ADAT3: variants seen among roughly 807,000 people sequenced by gnomAD.
ADAT3 encodes the protein tRNA-specific adenosine-34 deaminase regulatory subunit ADAT3.
In ADAT3, 2 loss-of-function variants were observed where a neutral mutation model predicts 3.5. That is an observed-to-expected ratio of 0.57 (90% confidence interval 0.23 to 1.79). The LOEUF (loss-of-function observed/expected upper bound fraction) is 1.79, where lower values mean the gene tolerates loss of function less well. Among genes scored for constraint, ADAT3 ranks in the 40% most tolerant of loss-of-function variants. The pLI is 0.18. For synonymous variants in ADAT3, 358 were observed against 270.3 expected, an observed-to-expected ratio of 1.32 and a Z score of -3.18; for missense variants, 735 against 571.4, an observed-to-expected ratio of 1.29 and a Z score of -2.92.
chr19:1,905,653 T>C (rs1381940891), intron 1 of ADAT3: 1 of 157,930 alleles, frequency 6.3e-6, no homozygotes, highest in African/African-American at 2.4e-5. Flanking sequence ...CGCGCGGCGC[T>C]GGCCTGGGGG....
Position 1,913,390 on chromosome 19 carries a change from C to A in ADAT3, c.*239C>A. On this transcript the variant is annotated 3_prime_UTR_variant, in exon 2 of 2. Transcript: ENST00000329478. ...GGCCGCCCTTGCTGCGTTTGTGTCCCCTCTGTCTCGCGGGCCGGGAAACTG... is the reference window on the plus strand; with the variant it reads ...GGCCGCCCTTGCTGCGTTTGTGTCCACTCTGTCTCGCGGGCCGGGAAACTG... 1.6e-6 allele frequency: 1 copy of A among 622,936 alleles called. No individual in the cohort carries two copies. Among genetic ancestry groups the A allele is most frequent in the Non-Finnish European group, 2.8e-6 (1 of 357,022 alleles). The allele number at this position is 622,936 out of a possible 1,614,324, so 38.6% of individuals were successfully genotyped here. A position where few individuals can be genotyped will look rare whatever the true frequency, so the allele number is the denominator to read the frequency against.
intron 1 of ADAT3, chr19:1,907,891 G>A (rs2013220153): frequency 6.6e-6 from 1 of 152,448 alleles, no homozygotes; most frequent in Non-Finnish European, 1.5e-5. Context: ...TCTGGCAGTT[G>A]AGGCCGCCCT....
rs754201602 is a variant in ADAT3 at position 1,912,938 on chromosome 19, C to T, written c.891C>T (p.Gly297=). The change falls in exon 2 of 2, where the codon GGC becomes GGT. Residue 297 remains glycine (G), a synonymous_variant. Coordinates refer to ENST00000329478, the MANE Select transcript of ADAT3 (RefSeq NM_138422.4). The part of the protein sequence containing the change: ...DEDGLPYLCT[G]YDLYVTREPC... Reference sequence around the variant, plus strand: ...ACGGCCTCCCCTACCTGTGCACTGGCTACGACCTGTACGTGACCCGCGAGC... The same window carrying T: ...ACGGCCTCCCCTACCTGTGCACTGGTTACGACCTGTACGTGACCCGCGAGC... 1 of 1,610,404 alleles carries T rather than the reference C, an allele frequency of 6.2e-7. No homozygotes were observed. Among genetic ancestry groups the T allele is most frequent in the East Asian group, 2.2e-5 (1 of 44,842 alleles).
At chr19:1,905,515 G>C in intron 1 of ADAT3, 76 bp downstream of exon 1, 1 of 380,110 alleles carries the variant, frequency 2.6e-6, no homozygotes, top group Admixed American at 3.2e-5. Context: ...CTGACATGGG[G>C]GGTCTCGGCG....
At chr19:1,910,822 G>T (rs148952582) in intron 1 of ADAT3, among the ~76,000 whole-genome samples, 2 of 151,502 alleles carry the variant, frequency 1.3e-5, no homozygotes, top group African/African-American at 4.9e-5. Context: ...TGATCTGCCC[G>T]CCTCAGCCTC....
Position 1,913,130 on chromosome 19 carries a change from C to G in ADAT3, c.1083C>G (p.Arg361=), listed in dbSNP as rs1343038286. The G allele has an allele frequency of 1.3e-6, 2 of 1,571,764 alleles. No homozygotes were observed. The highest frequency in any genetic ancestry group is 2.3e-5 in the South Asian group (2 of 87,866). Residue 361 remains arginine (R), a synonymous_variant, in exon 2 of 2, where the codon CGC becomes CGG. Coordinates refer to ENST00000329478, the MANE Select transcript of ADAT3 (RefSeq NM_138422.4). The stretch of plus-strand genomic sequence containing the variant: ...GCGGGGTGCTGGAGGAGCAGTGCCG[C>G]TGGCTGGACCCCGACACGTAGGCGC... The part of the protein sequence containing the change: ...VFRGVLEEQC[R]WLDPDT
rs1335292247 is a variant in ADAT3 at position 1,912,964 on chromosome 19, CCTGCGCCAT to C, written c.918_926del (p.Cys310_Met312del). ...TACGACCTGTACGTGACCCGCGAGC[CCTGCGCCAT>C]GTGCGCCATGGCCCTGGTGCACGCA... On this transcript the variant is annotated inframe_deletion, in exon 2 of 2. Transcript: ENST00000329478. 4 of 1,610,222 alleles carry C rather than the reference CCTGCGCCAT, an allele frequency of 2.5e-6. No individual in the cohort carries two copies. Among genetic ancestry groups the C allele is most frequent in the East Asian group, 2.2e-5 (1 of 44,846 alleles).
At position 1,908,219 on chromosome 19, in the gene ADAT3, C is replaced by T. The variant is rs773085442; in HGVS notation, c.-159+2780C>T. ...CCACCTGGCACGGGGCCTCGGGCAG[C>T]GGCAGCACCTGGCGCTGCCTCCGCG... On this transcript the variant is annotated intron_variant, in intron 1 of 1. Coordinates refer to ENST00000329478, the MANE Select transcript of ADAT3 (RefSeq NM_138422.4). This position sits in a 1 kb window ranked among gnomAD's most constrained non-coding sequence, Gnocchi z 4.2. The T allele has an allele frequency of 7.2e-6, 2 of 278,762 alleles. No individual in the cohort carries two copies. The highest frequency in any genetic ancestry group is 3.0e-5 in the South Asian group (1 of 33,154). The allele number at this position is 278,762 out of a possible 1,614,324, so 17.3% of individuals were successfully genotyped here. A position where few individuals can be genotyped will look rare whatever the true frequency, so the allele number is the denominator to read the frequency against.
At chr19:1,907,711 C>G (rs960208959) in intron 1 of ADAT3, among the ~76,000 whole-genome samples, 1 of 152,136 alleles carries the variant, frequency 6.6e-6, no homozygotes, top group African/African-American at 2.4e-5. Context: ...CCGTGTTCTG[C>G]TGGGACCTGG....
chr19:1,910,053 T>C (rs960052054), intron 1 of ADAT3, among the ~76,000 whole-genome samples: 1 of 152,238 alleles, frequency 6.6e-6, no homozygotes, highest in Admixed American at 6.5e-5. Flanking sequence ...ACACTTGGCA[T>C]GCTTGCTTTC....
At position 1,908,232 on chromosome 19, in the gene ADAT3, C is replaced by T. The variant is rs1179975606; in HGVS notation, c.-159+2793C>T. The T allele has an allele frequency of 3.5e-5, 10 of 282,008 alleles. No homozygotes were observed. In the East Asian group the frequency reaches 1.1e-3, roughly 31 times the overall value. 17.5% of individuals were successfully genotyped at this position (282,008 alleles called of 1,614,324 possible). A position where few individuals can be genotyped will look rare whatever the true frequency, so the allele number is the denominator to read the frequency against. On this transcript the variant is annotated intron_variant, in intron 1 of 1. Coordinates refer to ENST00000329478, the MANE Select transcript of ADAT3 (RefSeq NM_138422.4). The surrounding 1 kb of genome is among the most constrained non-coding windows in gnomAD (Gnocchi z 4.2). ...GGCCTCGGGCAGCGGCAGCACCTGG[C>T]GCTGCCTCCGCGCTTCCTGCTCCCG...
rs1404430434 is a variant in ADAT3, at chr19:1,908,523, C to T, written c.-159+3084C>T. On this transcript the variant is annotated intron_variant, in intron 1 of 1. Transcript: ENST00000329478. The surrounding 1 kb of genome is among the most constrained non-coding windows in gnomAD (Gnocchi z 4.2). ...GTCCATACCAGCGGGGATGTGTAGT[C>T]CAGGCTGGCAGTTCAGGATCACCCG... 1 of 471,124 alleles carries T rather than the reference C, an allele frequency of 2.1e-6. No homozygotes were observed. Among genetic ancestry groups the T allele is most frequent in the Non-Finnish European group, 4.4e-6 (1 of 227,046 alleles). 29.2% of individuals were successfully genotyped at this position (471,124 alleles called of 1,614,324 possible). A position where few individuals can be genotyped will look rare whatever the true frequency, so the allele number is the denominator to read the frequency against.
intron 1 of ADAT3, among the ~76,000 whole-genome samples, chr19:1,910,476 G>T (rs1359089586): frequency 6.6e-6 from 1 of 152,038 alleles, no homozygotes; most frequent in African/African-American, 2.4e-5. Context: ...TAGGGGTGAT[G>T]GAATGTTCTG....
In ADAT3 at chr19:1,912,314, T is replaced by C; in HGVS notation, c.267T>C (p.Pro89=). The C allele has an allele frequency of 1.3e-6, 2 of 1,555,598 alleles. No homozygotes were observed. ...CCCTGCACCCGCTCCCCGCCCAGCC[T>C]CACCTCAAGCGGGTGCGGCCCAGCC... ...VSALHPLPAQ[P]HLKRVRPSRD... is the part of the protein sequence containing the mutation. Residue 89 remains proline, a synonymous_variant, in exon 2 of 2, where the codon CCT becomes CCC. Coordinates refer to ENST00000329478, the MANE Select transcript of ADAT3 (RefSeq NM_138422.4).
At position 1,913,295 on chromosome 19, in the gene ADAT3, C is replaced by T. The variant is rs1438774814; in HGVS notation, c.*144C>T. 4 of 1,256,552 alleles carry T rather than the reference C, an allele frequency of 3.2e-6. No homozygotes were observed. In the African/African-American group the frequency reaches 6.2e-5, roughly 19 times the overall value. 77.8% of individuals were successfully genotyped at this position (1,256,552 alleles called of 1,614,324 possible). A position where few individuals can be genotyped will look rare whatever the true frequency, so the allele number is the denominator to read the frequency against. On this transcript the variant is annotated 3_prime_UTR_variant, in exon 2 of 2. Coordinates refer to ENST00000329478, the MANE Select transcript of ADAT3 (RefSeq NM_138422.4). The stretch of plus-strand genomic sequence containing the variant: ...CCTCCAGCGGGGAGCACGGGTGCTG[C>T]CTTCCGTGCGGATCGAGCTTTCCTG...
intron 1 of ADAT3, among the ~76,000 whole-genome samples, chr19:1,907,599 C>T (rs2013199603): frequency 6.6e-6 from 1 of 152,112 alleles, no homozygotes; most frequent in African/African-American, 2.4e-5. Flanking sequence ...CATCTGTGGG[C>T]TTAGATAAAG....
At chr19:1,907,853 C>T (rs576904565) in intron 1 of ADAT3, among the ~76,000 whole-genome samples, 7 of 152,244 alleles carry the variant, frequency 4.6e-5, no homozygotes, top group Middle Eastern at 3.4e-3. Context: ...GTCGTCCCCC[C>T]GGGCCATAGC....
chr19:1,910,967 A>G (rs2013412822), intron 1 of ADAT3, among the ~76,000 whole-genome samples: 1 of 150,544 alleles, frequency 6.6e-6, no homozygotes, highest in African/African-American at 2.5e-5. Context: ...CCCAGGTTCA[A>G]CCTTCTGGGT....
chr19:1,913,145 C>A lies in ADAT3; in HGVS notation c.1098C>A (p.Asp366Glu). The A allele has an allele frequency of 1.3e-6, 2 of 1,546,730 alleles. No homozygotes were observed. Among genetic ancestry groups the A allele is most frequent in the Non-Finnish European group, 1.7e-6 (2 of 1,149,586 alleles). Residue 366 changes from aspartate (D) to glutamate (E), a missense_variant, in exon 2 of 2, where the codon GAC becomes GAA. Physicochemically the swap from Asp to Glu is conservative, Grantham distance 45. Coordinates refer to ENST00000329478, the MANE Select transcript of ADAT3 (RefSeq NM_138422.4). Reference sequence around the variant, plus strand: ...AGCAGTGCCGCTGGCTGGACCCCGACACGTAGGCGCCGCCCTCCTGCCTCC... The same window carrying A: ...AGCAGTGCCGCTGGCTGGACCCCGAAACGTAGGCGCCGCCCTCCTGCCTCC... ...LEEQCRWLDP[D>E]T
Sources: gnomAD v4.1 joint callset for allele counts (sites outside exome capture counted in the v4.1 genomes callset) on GRCh38, gnomAD v4.1.1 for gene constraint, Gnocchi (gnomAD v3.1) non-coding constraint, MANE v1.5 for transcripts, NCBI Gene and HGNC (gene_info 2026-07-23, HGNC 2026-07-21) for gene names.